AFG1L: variants seen among roughly 807,000 people sequenced by gnomAD.
AFG1L encodes the protein AFG1-like ATPase.
Under a neutral mutation model 62.2 loss-of-function variants are expected in AFG1L, and 53 were observed. The observed-to-expected ratio is 0.85, with a 90% confidence interval of 0.68 to 1.07. AFG1L has a LOEUF of 1.07. AFG1L is among the 50% of genes least tolerant of loss of function. The pLI, the probability that AFG1L is intolerant of heterozygous loss-of-function variation, is 0.00. For missense variants in AFG1L, 555 were observed against 590.5 expected, an observed-to-expected ratio of 0.94 and a Z score of 0.62; for synonymous variants, 228 against 210.3, an observed-to-expected ratio of 1.08 and a Z score of -0.73.
At chr6:108,493,384 C>T (rs1205543363) in intron 10 of AFG1L, among the ~76,000 whole-genome samples, 2 of 152,198 alleles carry the variant, frequency 1.3e-5, no homozygotes, top group Non-Finnish European at 2.9e-5. Flanking sequence ...AAGCAGCAGC[C>T]TTGTTCTTCA....
intron 5 of AFG1L, chr6:108,359,120 C>T (rs1182451446): frequency 3.3e-5 from 5 of 152,108 alleles, no homozygotes; most frequent in Non-Finnish European, 4.4e-5. Flanking sequence ...CTTATACCAA[C>T]ATAGTCGTAA....
At chr6:108,455,024 G>A (rs1467492420) in intron 8 of AFG1L, among the ~76,000 whole-genome samples, 1 of 152,178 alleles carries the variant, frequency 6.6e-6, no homozygotes, top group Admixed American at 6.5e-5. Context: ...GGTTCTGACT[G>A]TTGTCTGGCT....
chr6:108,373,566 G>A (rs868421996), intron 6 of AFG1L, among the ~76,000 whole-genome samples: 1 of 151,864 alleles, frequency 6.6e-6, no homozygotes, highest in Non-Finnish European at 1.5e-5. Context: ...TGGGATTGCT[G>A]GGTCAAATGG....
intron 11 of AFG1L, among the ~76,000 whole-genome samples, chr6:108,519,046 T>A (rs1454322110): frequency 6.6e-6 from 1 of 152,240 alleles, no homozygotes; most frequent in Non-Finnish European, 1.5e-5. Flanking sequence ...CTGGGTAATT[T>A]ATAAATAATA....
intron 8 of AFG1L, among the ~76,000 whole-genome samples, chr6:108,463,158 G>A (rs1231031056): frequency 6.6e-6 from 1 of 151,996 alleles, no homozygotes; most frequent in Admixed American, 6.6e-5. Context: ...GTATGGTGGT[G>A]CATGCCTGTA....
At chr6:108,484,000 G>A (rs1404906744) in intron 10 of AFG1L, among the ~76,000 whole-genome samples, 1 of 152,088 alleles carries the variant, frequency 6.6e-6, no homozygotes, top group Non-Finnish European at 1.5e-5. Flanking sequence ...CACTGATTGG[G>A]AGCTACTTCT....
Position 108,498,713 on chromosome 6 carries a change from G to T in AFG1L, c.1063-11499G>T, listed in dbSNP as rs1364134849. Among the ~76,000 whole-genome samples, 3 of 152,156 alleles carry T rather than the reference G, an allele frequency of 2.0e-5. No homozygotes were observed. In the East Asian group the frequency reaches 5.8e-4, roughly 29 times the overall value. On this transcript the variant is annotated intron_variant, in intron 10 of 12. Coordinates refer to ENST00000368977, the MANE Select transcript of AFG1L (RefSeq NM_145315.5). ...ATATCGGCCAGGCACGGTGGTTCAT[G>T]CCTGTAGTCCCAGCACTTTGGGAGG...
At chr6:108,445,125 A>AT (rs756328496) in intron 7 of AFG1L, among the ~76,000 whole-genome samples, 25 of 152,238 alleles carry the variant, frequency 1.6e-4, no homozygotes, top group Non-Finnish European at 2.8e-4. Context: ...TTGCATTTTT[A>AT]TGTTATAGAG....
intron 2 of AFG1L, among the ~76,000 whole-genome samples, chr6:108,328,325 A>G (rs143984239): frequency 4.6e-5 from 7 of 152,156 alleles, no homozygotes; most frequent in Non-Finnish European, 1.0e-4. Flanking sequence ...GTTATCTGAG[A>G]CTTGAATTGC....
chr6:108,333,666 G>C (rs925585278), intron 2 of AFG1L, among the ~76,000 whole-genome samples: 20 of 152,134 alleles, frequency 1.3e-4, no homozygotes, highest in African/African-American at 4.8e-4. Context: ...ATAGACAAAG[G>C]AGAGTATTTT....
At chr6:108,417,912 C>A (rs1770391342) in intron 7 of AFG1L, among the ~76,000 whole-genome samples, 1 of 152,130 alleles carries the variant, frequency 6.6e-6, no homozygotes, top group African/African-American at 2.4e-5. Flanking sequence ...CGGCTCACTG[C>A]AAGCTCCACC....
At chr6:108,478,342 C>G (rs1773203325) in intron 10 of AFG1L, among the ~76,000 whole-genome samples, 1 of 152,196 alleles carries the variant, frequency 6.6e-6, no homozygotes, top group East Asian at 1.9e-4. Context: ...GAGGCTGAGG[C>G]AGGAGAATGG....
intron 11 of AFG1L, among the ~76,000 whole-genome samples, chr6:108,514,654 C>A (rs1241047979): frequency 6.6e-6 from 1 of 152,166 alleles, no homozygotes; most frequent in African/African-American, 2.4e-5. Flanking sequence ...ACAATATTAA[C>A]CTTAAATGTA....
intron 5 of AFG1L, among the ~76,000 whole-genome samples, chr6:108,365,087 T>C (rs1343798133): frequency 2.0e-5 from 3 of 152,266 alleles, no homozygotes; most frequent in East Asian, 1.9e-4. Flanking sequence ...AAAATAACAA[T>C]GTACTATATC....
At chr6:108,412,264 G>C (rs991102960) in intron 7 of AFG1L, among the ~76,000 whole-genome samples, 15 of 152,234 alleles carry the variant, frequency 9.9e-5, no homozygotes, top group Non-Finnish European at 2.1e-4. Context: ...ATGGGACTAT[G>C]TGAAAAGACC....
At chr6:108,464,059 G>A (rs950306197) in intron 8 of AFG1L, among the ~76,000 whole-genome samples, 1 of 152,174 alleles carries the variant, frequency 6.6e-6, no homozygotes, top group Non-Finnish European at 1.5e-5. Context: ...CTGGAATAGA[G>A]AACATGGAGA....
rs191177895 is a variant in AFG1L, at chr6:108,318,962, C to T, written c.140-4863C>T. Among the ~76,000 whole-genome samples, 217 of 152,332 alleles carry T rather than the reference C, an allele frequency of 1.4e-3. 9 individuals carry two copies. The highest frequency in any genetic ancestry group is 0.013 in the Admixed American group (192 of 15,298). On this transcript the variant is annotated intron_variant, in intron 1 of 12. Transcript: ENST00000368977. Reference sequence around the variant, plus strand: ...CAATTTATACAGCTGCTATCCAGGGCTAAGCTGGCCAATCTGTCAGCCTTG... The same window carrying T: ...CAATTTATACAGCTGCTATCCAGGGTTAAGCTGGCCAATCTGTCAGCCTTG...
intron 1 of AFG1L, among the ~76,000 whole-genome samples, chr6:108,311,637 C>T (rs542932090): frequency 5.5e-4 from 84 of 152,178 alleles, no homozygotes; most frequent in African/African-American, 1.9e-3. Context: ...GCTGGGATTA[C>T]AGATGCACTC....
chr6:108,423,825 G>A (rs1770701609), intron 7 of AFG1L, among the ~76,000 whole-genome samples: 1 of 152,012 alleles, frequency 6.6e-6, no homozygotes. Context: ...TTTATTAAAT[G>A]TGAACTTTGT....
Sources: allele counts gnomAD v4.1 joint callset (sites outside exome capture counted in the v4.1 genomes callset), GRCh38; gene constraint gnomAD v4.1.1; transcripts MANE v1.5; gene names NCBI Gene and HGNC (gene_info 2026-07-23, HGNC 2026-07-21).